The following DYM variants were observed in gnomAD, a reference collection of about 807,000 sequenced individuals.
The protein encoded by DYM is dymeclin, also known as dyggve-Melchior-Clausen syndrome protein.
DYM carries 78 observed loss-of-function variants against 93.1 expected under a neutral mutation model. The ratio of observed to expected loss-of-function variants is 0.84; its 90% CI spans 0.70 to 1.01. The LOEUF is 1.01. DYM is among the 50% of genes least tolerant of loss of function. The probability of loss-of-function intolerance (pLI) is 0.00; values close to 1 mark genes in which losing one functional copy is unlikely to be tolerated. For missense variants in DYM, 789 were observed against 845.0 expected (o/e 0.93, Z 0.82); for synonymous variants, 321 against 319.7 (o/e 1.00, Z -0.04).
intron 8 of DYM, among the ~76,000 whole-genome samples, chr18:49,318,958 G>A (rs190586803): frequency 2.6e-5 from 4 of 150,968 alleles, no homozygotes; most frequent in Non-Finnish European, 4.4e-5. Context: ...CTGCCACCAC[G>A]CCCAACTAAT....
chr18:49,050,319 G>A (rs1003141322), intron 17 of DYM, among the ~76,000 whole-genome samples: 7 of 151,804 alleles, frequency 4.6e-5, no homozygotes, highest in Non-Finnish European at 8.8e-5. Flanking sequence ...TTGAACTCCC[G>A]ACCTCAGGTG....
chr18:49,347,916 A>C (rs777063797), intron 6 of DYM, among the ~76,000 whole-genome samples: 37 of 152,352 alleles, frequency 2.4e-4, no homozygotes, highest in South Asian at 6.2e-4. Flanking sequence ...AGTCAACCTT[A>C]AAAAGCCAAA....
At chr18:49,231,357 C>T (rs183633039) in intron 13 of DYM, among the ~76,000 whole-genome samples, 4 of 152,196 alleles carry the variant, frequency 2.6e-5, no homozygotes, top group East Asian at 1.9e-4. Context: ...AAAGAAAGCA[C>T]GAGATCTAGA....
At chr18:49,209,512 C>T (rs753928062) in intron 14 of DYM, 39 bp downstream of exon 14, 152 of 1,256,238 alleles carry the variant, frequency 1.2e-4, no homozygotes, top group Non-Finnish European at 1.5e-4. Flanking sequence ...TCATATACAA[C>T]ATGCAGCATG....
At chr18:49,232,017 A>G (rs2093709259) in intron 13 of DYM, among the ~76,000 whole-genome samples, 1 of 152,236 alleles carries the variant, frequency 6.6e-6, no homozygotes, top group Non-Finnish European at 1.5e-5. Flanking sequence ...ATATTCAGTT[A>G]TATATACCTT....
rs887609244 is a variant in DYM at position 49,043,213 on chromosome 18, T to G, written c.*842A>C. On this transcript the variant is annotated 3_prime_UTR_variant, in exon 18 of 18. Coordinates refer to ENST00000675505, the MANE Select transcript of DYM (RefSeq NM_001353214.3). ...GGCACGTTCTTAGCTCACTGCAGCC[T>G]TGAACTCCTGGGCTCAGGCAATCCT... The G allele has an allele frequency of 1.3e-5, 2 of 152,018 alleles. No individual in the cohort carries two copies. The highest frequency in any genetic ancestry group is 4.8e-5 in the African/African-American group (2 of 41,384). The allele number at this position is 152,018 out of a possible 1,614,324, so 9.4% of individuals were successfully genotyped here.
At chr18:49,231,989 T>C (rs896444011) in intron 13 of DYM, among the ~76,000 whole-genome samples, 5 of 152,222 alleles carry the variant, frequency 3.3e-5, no homozygotes, top group Admixed American at 2.6e-4. Context: ...TTTTAAAACA[T>C]GTAATTCCTT....
chr18:49,366,105 T>C (rs1484280167), intron 5 of DYM, among the ~76,000 whole-genome samples: 3 of 152,246 alleles, frequency 2.0e-5, no homozygotes, highest in Admixed American at 6.5e-5. Context: ...CTCAGAATTC[T>C]AAATTCTTGT....
At chr18:49,246,991 C>T (rs147568989) in intron 13 of DYM, among the ~76,000 whole-genome samples, 2 of 152,310 alleles carry the variant, frequency 1.3e-5, no homozygotes, top group African/African-American at 4.8e-5. Flanking sequence ...GAGGCATTAG[C>T]AGCCTTGTGC....
At position 49,170,364 on chromosome 18, in the gene DYM, T is replaced by A. The variant is rs529689980; in HGVS notation, c.1626-6577A>T. On this transcript the variant is annotated intron_variant, in intron 14 of 17. Transcript: ENST00000675505. ...GTGGAGATGGTCAGAAAGAAGCAGA[T>A]GGGCAGTTTAGAAATACTAATTTGG... Among the ~76,000 whole-genome samples the A allele has an allele frequency of 2.0e-5, 3 of 152,238 alleles. No individual in the cohort carries two copies. The South Asian group carries it at 6.2e-4, about 32-fold the overall frequency.
chr18:49,167,644 C>T (rs559088844), intron 14 of DYM, among the ~76,000 whole-genome samples: 1 of 152,036 alleles, frequency 6.6e-6, no homozygotes, highest in African/African-American at 2.4e-5. Flanking sequence ...TTGCATTCAA[C>T]GTACTTACCC....
At chr18:49,098,306 C>G (rs1408369328) in intron 16 of DYM, among the ~76,000 whole-genome samples, 2 of 152,092 alleles carry the variant, frequency 1.3e-5, no homozygotes, top group East Asian at 3.8e-4. Context: ...TGAGCATTAC[C>G]TTTTATGTCT....
chr18:49,293,707 T>C (rs2060327125), intron 8 of DYM, among the ~76,000 whole-genome samples: 1 of 152,212 alleles, frequency 6.6e-6, no homozygotes, highest in African/African-American at 2.4e-5. Context: ...TTGTAGATTC[T>C]GGATATTAGC....
chr18:49,165,843 C>A (rs574283663), intron 14 of DYM, among the ~76,000 whole-genome samples: 1 of 152,078 alleles, frequency 6.6e-6, no homozygotes, highest in African/African-American at 2.4e-5. Context: ...ATGAAGGTCA[C>A]CTTAGGCCCT....
At chr18:49,301,590 G>A (rs2060941222) in intron 8 of DYM, among the ~76,000 whole-genome samples, 2 of 151,228 alleles carry the variant, frequency 1.3e-5, no homozygotes, top group African/African-American at 4.9e-5. Flanking sequence ...TGTAGTAAAT[G>A]TGAAATATGC....
rs911881817 is a variant in DYM at position 49,043,945 on chromosome 18, T to G, written c.*110A>C. On this transcript the variant is annotated 3_prime_UTR_variant, in exon 18 of 18. Transcript: ENST00000675505. The stretch of plus-strand genomic sequence containing the variant: ...GGAAAACACACTCGTGCAATCCTCT[T>G]TAACAGAAGATACACCAAGTAACCT... 42 of 1,335,508 alleles carry G rather than the reference T, an allele frequency of 3.1e-5. No individual in the cohort carries two copies. Among genetic ancestry groups the G allele is most frequent in the Middle Eastern group, 5.3e-4 (2 of 3,762 alleles). The allele number at this position is 1,335,508 out of a possible 1,614,324, so 82.7% of individuals were successfully genotyped here.
At chr18:49,429,800 A>C (rs1278114184) in intron 2 of DYM, among the ~76,000 whole-genome samples, 1 of 152,254 alleles carries the variant, frequency 6.6e-6, no homozygotes, top group African/African-American at 2.4e-5. Flanking sequence ...ATGTTCATCA[A>C]CAGAAAAACC....
chr18:49,386,771 A>C (rs2068665134), intron 3 of DYM, among the ~76,000 whole-genome samples: 1 of 152,096 alleles, frequency 6.6e-6, no homozygotes. Context: ...AACTCATTTT[A>C]CTGTGCTTTG....
At chr18:49,437,692 C>T (rs754718593) in intron 1 of DYM, among the ~76,000 whole-genome samples, 16 of 152,280 alleles carry the variant, frequency 1.1e-4, no homozygotes, top group Admixed American at 2.6e-4. Context: ...TCACCAGCAA[C>T]GCCTATTTCT....
Sources: allele counts gnomAD v4.1 joint callset (sites outside exome capture counted in the v4.1 genomes callset), GRCh38; gene constraint gnomAD v4.1.1; transcripts MANE v1.5; gene names NCBI Gene and HGNC (gene_info 2026-07-23, HGNC 2026-07-21).